The following HSD17B14 variants were observed in gnomAD, a reference collection of about 807,000 sequenced individuals.
HSD17B14 encodes L-fucose dehydrogenase.
HSD17B14 carries 32 observed loss-of-function variants against 32.2 expected under a neutral mutation model. That is an observed-to-expected ratio of 0.99 (90% CI 0.75 to 1.33). The LOEUF (loss-of-function observed/expected upper bound fraction) is 1.33. Among genes scored for constraint, HSD17B14 ranks in the 40% most tolerant of loss-of-function variants. HSD17B14 has a pLI of 0.00. For missense variants in HSD17B14, 370 were observed against 366.5 expected (o/e 1.01, Z -0.08); for synonymous variants, 140 against 155.4 (o/e 0.90, Z 0.74).
intron 5 of HSD17B14, among the ~76,000 whole-genome samples, chr19:48,822,924 G>A (rs2035185594): frequency 6.6e-6 from 1 of 152,066 alleles, no homozygotes; most frequent in Non-Finnish European, 1.5e-5. Flanking sequence ...GGTAACAATG[G>A]TAATGATGGT....
chr19:48,831,621 C>G (rs1194689591), intron 5 of HSD17B14, 47 bp downstream of exon 5: 1 of 1,267,462 alleles, frequency 7.9e-7, no homozygotes, highest in Non-Finnish European at 1.2e-6. Flanking sequence ...CACAATCCAC[C>G]TATCAGGAGG....
At chr19:48,832,629 A>T (rs1333043382) in intron 4 of HSD17B14, 37 bp downstream of exon 4, 2 of 1,571,306 alleles carry the variant, frequency 1.3e-6, no homozygotes, top group Admixed American at 3.4e-5. Context: ...GTTGGGGGGC[A>T]GGAGGTGGAG....
At chr19:48,819,301 A>G (rs1006145928) in intron 5 of HSD17B14, among the ~76,000 whole-genome samples, 3 of 151,644 alleles carry the variant, frequency 2.0e-5, no homozygotes, top group African/African-American at 7.3e-5. Context: ...AATGCAATCA[A>G]CTCCTAATAC....
At chr19:48,824,767 G>C (rs1328261848) in intron 5 of HSD17B14, among the ~76,000 whole-genome samples, 2 of 76,130 alleles carry the variant, frequency 2.6e-5, no homozygotes, top group South Asian at 7.1e-4. Flanking sequence ...TCTAAAGAAA[G>C]ACAAAAAAAA....
At chr19:48,830,636 T>C (rs538654182) in intron 5 of HSD17B14, among the ~76,000 whole-genome samples, 2 of 152,068 alleles carry the variant, frequency 1.3e-5, no homozygotes, top group African/African-American at 2.4e-5. Flanking sequence ...AACAAAGCAA[T>C]CCTCCCGCCT....
intron 2 of HSD17B14, among the ~76,000 whole-genome samples, 171 bp from the exon 3 acceptor site, chr19:48,834,529 G>A (rs1250018357): frequency 4.5e-5 from 4 of 88,198 alleles, no homozygotes; most frequent in South Asian, 4.7e-4. Context: ...GGGCCTGGGG[G>A]CCTGGACTCC....
chr19:48,835,833 C>T lies in HSD17B14; in HGVS notation c.99G>A (p.Gly33=), dbSNP rs147094913. 18 of 1,613,460 alleles carry T rather than the reference C, an allele frequency of 1.1e-5. No individual in the cohort carries two copies. In the African/African-American group the frequency reaches 2.1e-4, roughly 19 times the overall value. ...CCTTGTCGCAGATAACCACTCGGGC[C>T]CCGCTGTTCACTGAGAATAGGAAGG... ...AGIVRAFVNS[G]ARVVICDKDE... The change falls in exon 2 of 9, where the codon GGG becomes GGA. Residue 33 remains glycine, a synonymous_variant. Coordinates refer to ENST00000263278, the MANE Select transcript of HSD17B14 (RefSeq NM_016246.3).
At chr19:48,835,716 C>T (rs1410144737) in intron 2 of HSD17B14, 89 bp downstream of exon 2, 4 of 1,356,418 alleles carry the variant, frequency 2.9e-6, no homozygotes, top group African/African-American at 1.4e-5. Context: ...GCCTGGACTC[C>T]GGGGTCTGAG....
At chr19:48,821,957 C>CGATTGTGGTAATGATGGTGAT (rs1018931681) in intron 5 of HSD17B14, among the ~76,000 whole-genome samples, 1 of 136,328 alleles carries the variant, frequency 7.3e-6, no homozygotes, top group East Asian at 2.3e-4. Flanking sequence ...ATGATGGTTA[C>CGATTGTGGTAATGATGGTGAT]GATTGTGGTA....
chr19:48,814,162 T>G (rs1252575485), intron 6 of HSD17B14, among the ~76,000 whole-genome samples: 3 of 148,118 alleles, frequency 2.0e-5, no homozygotes, highest in Non-Finnish European at 4.5e-5. Flanking sequence ...GCCACCACAC[T>G]GCAACCTGGG....
At chr19:48,814,995 G>A (rs1342039006) in intron 6 of HSD17B14, 42 bp downstream of exon 6, 2 of 1,488,914 alleles carry the variant, frequency 1.3e-6, no homozygotes, top group East Asian at 2.3e-5. Flanking sequence ...AAGGCCCATG[G>A]GAAGGAGTAG....
intron 2 of HSD17B14, among the ~76,000 whole-genome samples, chr19:48,834,789 C>T (rs1391417956): frequency 1.1e-3 from 96 of 88,136 alleles, no homozygotes; most frequent in Admixed American, 1.7e-3. Flanking sequence ...GGGCTGGGAG[C>T]CTGGACTCCT....
chr19:48,824,206 G>C (rs981369287), intron 5 of HSD17B14, among the ~76,000 whole-genome samples: 4 of 13,434 alleles, frequency 3.0e-4, no homozygotes, highest in Non-Finnish European at 5.7e-4. Context: ...AGTGAGCCAA[G>C]ATCATGCCAT....
In HSD17B14 at chr19:48,834,412, G is replaced by A. The variant is rs1253416885; in HGVS notation, c.128-54C>T. ...GACCCCTGGGTCTCAGGGAGGAGGG[G>A]TTGGGGACTTGGACTCCTGGGTCTG... On this transcript the variant is annotated intron_variant, in intron 2 of 8. Coordinates refer to ENST00000263278, the MANE Select transcript of HSD17B14 (RefSeq NM_016246.3). 25 of 1,165,444 alleles carry A rather than the reference G, an allele frequency of 2.1e-5. No homozygotes were observed. In the South Asian group the frequency reaches 2.4e-4, roughly 11 times the overall value. The allele number at this position is 1,165,444 out of a possible 1,614,324, so 72.2% of individuals were successfully genotyped here.
intron 3 of HSD17B14, 68 bp downstream of exon 3, chr19:48,834,208 A>G (rs371766824): frequency 7.6e-7 from 1 of 1,315,338 alleles, no homozygotes; most frequent in African/African-American, 1.5e-5. Context: ...GGCATATGCA[A>G]ATGGCTGGAG....
rs748930441 is a variant in HSD17B14 at position 48,831,700 on chromosome 19, G to C, written c.337C>G (p.Leu113Val). The C allele has an allele frequency of 1.9e-6, 3 of 1,613,844 alleles. No homozygotes were observed. The highest frequency in any genetic ancestry group is 1.3e-5 in the African/African-American group (1 of 74,896). Residue 113 changes from leucine (L) to valine (V), a missense_variant, in exon 5 of 9, where the codon CTG becomes GTG. Coordinates refer to ENST00000263278, the MANE Select transcript of HSD17B14 (RefSeq NM_016246.3). ...SAQGFRQLLE[L>V]NLLGTYTLTK... ...AAGGTGTACGTCCCCAGTAGGTTCA[G>C]CTCCAGCAGCTGGCGGAATCCCTGG...
At chr19:48,826,427 A>T (rs988812084) in intron 5 of HSD17B14, among the ~76,000 whole-genome samples, 38 of 145,014 alleles carry the variant, frequency 2.6e-4, no homozygotes, top group African/African-American at 9.4e-4. Flanking sequence ...CCAGGTAGTC[A>T]AGGTTGTGGT....
chr19:48,828,376 G>A (rs949629935), intron 5 of HSD17B14, among the ~76,000 whole-genome samples: 2 of 152,158 alleles, frequency 1.3e-5, no homozygotes, highest in African/African-American at 4.8e-5. Context: ...GATGGGTGCA[G>A]TAGCTCATGC....
rs1555775576 is a variant in HSD17B14, at chr19:48,814,202, A to AAG, written c.475-473_475-472insCT. Among the ~76,000 whole-genome samples the AAG allele has an allele frequency of 1.3e-3, 185 of 147,870 alleles. 1 individual carries two copies. Among genetic ancestry groups the AAG allele is most frequent in the African/African-American group, 3.4e-3 (133 of 39,420 alleles). ...AGAGTGAGACCCTATCTAAAAAAAA[A>AAG]AAGAAGAAAAGAAAAGAAAAGAAAA... On this transcript the variant is annotated intron_variant, in intron 6 of 8. Coordinates refer to ENST00000263278, the MANE Select transcript of HSD17B14 (RefSeq NM_016246.3).
Sources: gnomAD v4.1 joint callset for allele counts (sites outside exome capture counted in the v4.1 genomes callset) on GRCh38, gnomAD v4.1.1 for gene constraint, MANE v1.5 for transcripts, NCBI Gene and HGNC (gene_info 2026-07-23, HGNC 2026-07-21) for gene names.